Variants in OPRM1 observed in about 807,000 individuals in gnomAD.
The protein encoded by OPRM1 is mu-type opioid receptor.
In OPRM1, 27 loss-of-function variants were observed where a neutral mutation model predicts 31.8. The ratio of observed to expected loss-of-function variants is 0.85; its 90% CI spans 0.63 to 1.17. OPRM1 has a LOEUF of 1.17. Ranked by LOEUF, OPRM1 falls within the 50% of genes most tolerant of loss-of-function variation. The pLI is 0.00. For synonymous variants in OPRM1, 196 were observed against 189.9 expected (o/e 1.03, Z -0.26); for missense variants, 536 against 511.1 (o/e 1.05, Z -0.47).
At chr6:154,214,848 T>C (rs2128608668) in intron 3 of OPRM1, among the ~76,000 whole-genome samples, 1 of 152,318 alleles carries the variant, frequency 6.6e-6, no homozygotes, top group East Asian at 1.9e-4. Context: ...CTATTTACCA[T>C]TTTACTGGCA....
rs566114275 is a variant in OPRM1, at chr6:154,078,163, C to T, written c.291-11663C>T. On this transcript the variant is annotated intron_variant, in intron 1 of 3. Coordinates refer to ENST00000330432, the MANE Select transcript of OPRM1 (RefSeq NM_000914.5). The stretch of plus-strand genomic sequence containing the variant: ...CTCTTCTCTTCTGTGCATATACTTT[C>T]TCCTTAAGTTTTCTTCCTCAGTTCC... Among the ~76,000 whole-genome samples the T allele has an allele frequency of 2.0e-4, 31 of 152,228 alleles. 2 individuals are homozygous for T. In the South Asian group the frequency reaches 4.8e-3, roughly 23 times the overall value.
At chr6:154,191,957 G>T (rs944374840) in intron 3 of OPRM1, among the ~76,000 whole-genome samples, 1 of 151,708 alleles carries the variant, frequency 6.6e-6, no homozygotes, top group African/African-American at 2.4e-5. Context: ...TTTTACATAA[G>T]AGCCCACAAC....
chr6:154,180,405 T>TAC (rs1562526647), intron 3 of OPRM1, among the ~76,000 whole-genome samples: 1 of 41,956 alleles, frequency 2.4e-5, no homozygotes, highest in East Asian at 3.0e-3. Context: ...TATATATATA[T>TAC]ATATATATAT....
chr6:154,152,696 T>C (rs1562511153), intron 3 of OPRM1, among the ~76,000 whole-genome samples: 1 of 152,192 alleles, frequency 6.6e-6, no homozygotes, highest in Non-Finnish European at 1.5e-5. Flanking sequence ...ATTGTCCCCA[T>C]TGCACCTGTG....
intron 1 of OPRM1, among the ~76,000 whole-genome samples, chr6:154,026,647 T>C (rs1778713137): frequency 6.6e-6 from 1 of 152,124 alleles, no homozygotes; most frequent in African/African-American, 2.4e-5. Context: ...TATTCTTTAT[T>C]CTTTTGTCTC....
chr6:154,033,745 T>A (rs1453839835), intron 1 of OPRM1, among the ~76,000 whole-genome samples: 1 of 152,252 alleles, frequency 6.6e-6, no homozygotes, highest in Admixed American at 6.5e-5. Flanking sequence ...GACATTTTTA[T>A]GATGACCTAA....
Position 154,101,732 on chromosome 6 carries a change from T to C in OPRM1, c.1164+10260T>C, listed in dbSNP as rs187428721. Among the ~76,000 whole-genome samples the C allele has an allele frequency of 2.0e-4, 30 of 152,332 alleles. No individual in the cohort carries two copies. The East Asian group carries it at 5.4e-3, about 27-fold the overall frequency. On this transcript the variant is annotated intron_variant, in intron 3 of 3. Transcript: ENST00000330432. ...TGTATTTTTTTATTGTGTACCTTTT[T>C]TCTTACTAAATGTAAAAGATGATAG...
In OPRM1 at chr6:154,238,743, AC is replaced by A. The variant is rs1750097908; in HGVS notation, c.1165-7948del. 2.0e-5 allele frequency among the ~76,000 whole-genome samples: 3 copies of A among 151,708 alleles called. No individual in the cohort carries two copies. The South Asian group carries it at 6.3e-4, about 32-fold the overall frequency. On this transcript the variant is annotated intron_variant, in intron 3 of 3. Transcript: ENST00000337049. ...GCTGTTTTTTAAGAGATGGGGTCTC[AC>A]CATGTTGACCAAACTGGTCTCAAAC... is the stretch of plus-strand genomic sequence containing the variant.
intron 3 of OPRM1, among the ~76,000 whole-genome samples, chr6:154,204,318 G>A (rs2128596402): frequency 6.6e-6 from 1 of 152,274 alleles, no homozygotes; most frequent in South Asian, 2.1e-4. Context: ...AGGCAGAAGT[G>A]AGTCAGCATA....
chr6:154,119,124 C>G lies in OPRM1; in HGVS notation c.*403C>G. ...TAGTAACACATAAAGTAAATGCTACCTCTGATCAAAGCACCTTGAATGGAA... is the reference window on the plus strand; with the variant it reads ...TAGTAACACATAAAGTAAATGCTACGTCTGATCAAAGCACCTTGAATGGAA... On this transcript the variant is annotated 3_prime_UTR_variant, in exon 4 of 4. Transcript: ENST00000330432. 1.0e-6 allele frequency: 1 copy of G among 994,138 alleles called. No homozygotes were observed. The highest frequency in any genetic ancestry group is 1.2e-6 in the Non-Finnish European group (1 of 835,444). The allele number at this position is 994,138 out of a possible 1,614,324, so 61.6% of individuals were successfully genotyped here.
chr6:154,216,083 T>G (rs1261968167), intron 3 of OPRM1, among the ~76,000 whole-genome samples: 2 of 152,138 alleles, frequency 1.3e-5, no homozygotes, highest in Non-Finnish European at 2.9e-5. Context: ...TATTAAAAAT[T>G]TAAATATCCA....
chr6:154,194,805 T>A (rs1467777248), intron 3 of OPRM1, among the ~76,000 whole-genome samples: 2 of 152,208 alleles, frequency 1.3e-5, no homozygotes, highest in Admixed American at 1.3e-4. Context: ...TTTAGCCACC[T>A]GACACAGGAT....
chr6:154,235,931 C>CCCTT (rs1422372004), intron 3 of OPRM1, among the ~76,000 whole-genome samples: 5 of 152,152 alleles, frequency 3.3e-5, no homozygotes, highest in East Asian at 1.9e-4. Flanking sequence ...GAAAATGGAA[C>CCCTT]CCTTGTGTTC....
intron 3 of OPRM1, among the ~76,000 whole-genome samples, chr6:154,184,568 T>C (rs533274798): frequency 6.6e-6 from 1 of 152,172 alleles, no homozygotes; most frequent in Admixed American, 6.5e-5. Flanking sequence ...CATTGGTACA[T>C]AGAAAAAATA....
chr6:154,215,175 A>G (rs1778288033), intron 3 of OPRM1, among the ~76,000 whole-genome samples: 1 of 152,180 alleles, frequency 6.6e-6, no homozygotes, highest in Admixed American at 6.5e-5. Flanking sequence ...AGCCATGAAC[A>G]ATTCAGCATA....
intron 1 of OPRM1, among the ~76,000 whole-genome samples, chr6:154,080,995 C>G (rs1259688450): frequency 6.6e-6 from 1 of 152,120 alleles, no homozygotes; most frequent in Non-Finnish European, 1.5e-5. Context: ...TAAGTGACGT[C>G]ACTGATTATT....
chr6:154,115,076 T>C (rs1796726518), intron 3 of OPRM1, among the ~76,000 whole-genome samples: 1 of 152,138 alleles, frequency 6.6e-6, no homozygotes. Flanking sequence ...AAGTAGTAGA[T>C]AACAGGGCTC....
intron 1 of OPRM1, among the ~76,000 whole-genome samples, chr6:154,018,950 CT>C (rs71650263): frequency 0.052 from 7,908 of 151,884 alleles, 260 homozygotes; most frequent in East Asian, 0.09. Flanking sequence ...AACAATATTA[CT>C]TTTTTTTATT....
intron 1 of OPRM1, chr6:154,074,098 TA>T (rs990263570): frequency 6.6e-6 from 1 of 152,210 alleles, no homozygotes; most frequent in African/African-American, 2.4e-5. Flanking sequence ...AAGAGATGGT[TA>T]TTAACAAGCA....
Sources: allele counts gnomAD v4.1 joint callset (sites outside exome capture counted in the v4.1 genomes callset), GRCh38; gene constraint gnomAD v4.1.1; transcripts MANE v1.5; gene names NCBI Gene and HGNC (gene_info 2026-07-23, HGNC 2026-07-21).